SBF2: variants seen among roughly 807,000 people sequenced by gnomAD.
SBF2 encodes the protein myotubularin-related protein 13.
In SBF2, 112 loss-of-function variants were observed where a neutral mutation model predicts 225.2. That is an observed-to-expected ratio of 0.50 (90% CI 0.43 to 0.58). SBF2 has a LOEUF of 0.58. Among genes scored for constraint, SBF2 ranks in the 20% least tolerant of loss-of-function variants. The probability of loss-of-function intolerance (pLI) is 0.00; values close to 1 mark genes in which losing one functional copy is unlikely to be tolerated. For synonymous variants in SBF2, 763 were observed against 773.3 expected, an observed-to-expected ratio of 0.99 and a Z score of 0.22; for missense variants, 1,996 against 2,206.2, an observed-to-expected ratio of 0.90 and a Z score of 1.91.
At chr11:10,005,802 A>C (rs985247311) in intron 6 of SBF2, among the ~76,000 whole-genome samples, 2 of 152,134 alleles carry the variant, frequency 1.3e-5, no homozygotes. Context: ...TAACCCCTGT[A>C]CACAGTTTCG....
chr11:9,788,147 C>T (rs1852495531), intron 35 of SBF2, among the ~76,000 whole-genome samples: 1 of 152,208 alleles, frequency 6.6e-6, no homozygotes, highest in Non-Finnish European at 1.5e-5. Context: ...CCCCTCAACT[C>T]TGATGATTCA....
At chr11:10,062,019 A>G (rs1027764165) in intron 2 of SBF2, among the ~76,000 whole-genome samples, 2 of 152,112 alleles carry the variant, frequency 1.3e-5, no homozygotes, top group Admixed American at 6.6e-5. Context: ...GAAGAGACCA[A>G]TAGAGAGCCC....
chr11:9,862,106 A>C (rs1212907408), intron 17 of SBF2, among the ~76,000 whole-genome samples: 2 of 152,244 alleles, frequency 1.3e-5, no homozygotes, highest in South Asian at 2.1e-4. Flanking sequence ...AGAGAAAATA[A>C]GTGCCTGCAG....
intron 2 of SBF2, among the ~76,000 whole-genome samples, chr11:10,138,730 G>C (rs1290568561): frequency 1.3e-5 from 2 of 151,992 alleles, no homozygotes; most frequent in African/African-American, 4.8e-5. Context: ...CAAGTGTCCA[G>C]AGATTTTCCT....
At chr11:10,259,397 A>G (rs1246055107) in intron 1 of SBF2, among the ~76,000 whole-genome samples, 1 of 152,206 alleles carries the variant, frequency 6.6e-6, no homozygotes, top group Admixed American at 6.5e-5. Context: ...GCACTGAATA[A>G]ATGTTAGCTA....
At chr11:9,901,007 A>G (rs763968849) in intron 16 of SBF2, among the ~76,000 whole-genome samples, 2 of 152,170 alleles carry the variant, frequency 1.3e-5, no homozygotes, top group Non-Finnish European at 2.9e-5. Context: ...CTGGGATTAC[A>G]GGCATAAGCC....
intron 2 of SBF2, among the ~76,000 whole-genome samples, chr11:10,158,317 G>T (rs181315007): frequency 1.3e-5 from 2 of 151,778 alleles, no homozygotes; most frequent in Admixed American, 1.3e-4. Flanking sequence ...CGGAAGAAAA[G>T]AAAATAATAA....
chr11:9,923,198 A>G (rs1863767311), intron 16 of SBF2, among the ~76,000 whole-genome samples: 1 of 152,126 alleles, frequency 6.6e-6, no homozygotes, highest in Admixed American at 6.5e-5. Context: ...TTCTTCCCCA[A>G]ACTAGCTTTG....
chr11:9,796,251 G>A (rs899063771), intron 32 of SBF2, among the ~76,000 whole-genome samples: 14 of 152,094 alleles, frequency 9.2e-5, no homozygotes, highest in Non-Finnish European at 1.6e-4. Flanking sequence ...GAAAGCATAG[G>A]ATCAGCAAGA....
intron 16 of SBF2, among the ~76,000 whole-genome samples, chr11:9,931,511 A>C (rs936311039): frequency 1.3e-5 from 2 of 152,180 alleles, no homozygotes; most frequent in African/African-American, 4.8e-5. Flanking sequence ...CCTCCAGCAA[A>C]CTCCAACACA....
At chr11:10,161,022 A>C (rs1419484903) in intron 2 of SBF2, among the ~76,000 whole-genome samples, 1 of 152,010 alleles carries the variant, frequency 6.6e-6, no homozygotes, top group Non-Finnish European at 1.5e-5. Flanking sequence ...CCCCATCTCT[A>C]CTAAAAATAC....
chr11:10,145,337 G>GCA (rs1954836534), intron 2 of SBF2, among the ~76,000 whole-genome samples: 1 of 152,032 alleles, frequency 6.6e-6, no homozygotes, highest in African/African-American at 2.4e-5. Flanking sequence ...CAGGCTCAGG[G>GCA]ATCTAAGTGC....
intron 28 of SBF2, among the ~76,000 whole-genome samples, chr11:9,825,868 G>A (rs1223278399): frequency 6.6e-6 from 1 of 152,216 alleles, no homozygotes; most frequent in African/African-American, 2.4e-5. Flanking sequence ...TGGGCCTGGT[G>A]AGTTTTAGTG....
chr11:9,809,012 AG>A lies in SBF2; in HGVS notation c.4156-11del. 6.2e-7 allele frequency: 1 copy of A among 1,606,770 alleles called. No individual in the cohort carries two copies. Among genetic ancestry groups the A allele is most frequent in the African/African-American group, 1.3e-5 (1 of 74,898 alleles). ...GCATTATCCTGTGAAGCTAAGAGAC[AG>A]GAAGGAGAACACAATTAGACCAAGC... On this transcript the variant is annotated splice_polypyrimidine_tract_variant and intron_variant, in intron 30 of 39. Transcript: ENST00000256190.
chr11:9,918,206 C>T (rs990731048), intron 16 of SBF2, among the ~76,000 whole-genome samples: 2 of 152,186 alleles, frequency 1.3e-5, no homozygotes, highest in Non-Finnish European at 2.9e-5. Flanking sequence ...TACCTTTGGA[C>T]TCTCACCATG....
intron 6 of SBF2, among the ~76,000 whole-genome samples, chr11:10,006,153 C>T (rs1948178929): frequency 6.6e-6 from 1 of 152,202 alleles, no homozygotes; most frequent in African/African-American, 2.4e-5. Context: ...CTTGTACACC[C>T]TCCGGACCGT....
chr11:10,263,045 GTAC>G (rs925499906), intron 1 of SBF2, among the ~76,000 whole-genome samples: 1 of 151,790 alleles, frequency 6.6e-6, no homozygotes, highest in Non-Finnish European at 1.5e-5. Context: ...TAAAGAAATT[GTAC>G]TACTTCCCTG....
At chr11:9,793,476 GC>G (rs1852890134) in intron 33 of SBF2, among the ~76,000 whole-genome samples, 1 of 152,120 alleles carries the variant, frequency 6.6e-6, no homozygotes, top group Non-Finnish European at 1.5e-5. Flanking sequence ...TGCAACCTCT[GC>G]CTCATGGGGT....
intron 1 of SBF2, among the ~76,000 whole-genome samples, chr11:10,229,199 TTC>T (rs1018291273): frequency 2.0e-5 from 3 of 152,160 alleles, no homozygotes; most frequent in Non-Finnish European, 1.5e-5. Context: ...TATTTGATTC[TTC>T]TCTCTTTTCT....
Sources: gnomAD v4.1 joint callset for allele counts (sites outside exome capture counted in the v4.1 genomes callset) on GRCh38, gnomAD v4.1.1 for gene constraint, MANE v1.5 for transcripts, NCBI Gene and HGNC (gene_info 2026-07-23, HGNC 2026-07-21) for gene names.